RTN1: variants seen among roughly 807,000 people sequenced by gnomAD.
RTN1 encodes the protein reticulon-1.
In RTN1, 25 loss-of-function variants were observed where a neutral mutation model predicts 65.5. That is an observed-to-expected ratio of 0.38 (90% confidence interval 0.28 to 0.53). The LOEUF is 0.53. Ranked by LOEUF, RTN1 falls within the 20% of genes least tolerant of loss-of-function variation. The pLI, the probability that RTN1 is intolerant of heterozygous loss-of-function variation, is 0.79. For missense variants in RTN1, 983 were observed against 1,025.4 expected, an observed-to-expected ratio of 0.96 and a Z score of 0.57; for synonymous variants, 471 against 447.6, an observed-to-expected ratio of 1.05 and a Z score of -0.66.
chr14:59,741,699 A>T (rs757219604), intron 2 of RTN1, among the ~76,000 whole-genome samples: 1 of 152,116 alleles, frequency 6.6e-6, no homozygotes, highest in Admixed American at 6.5e-5. Context: ...TATCTGTCCA[A>T]TGGTGTTCTC....
chr14:59,719,278 G>A (rs780044767), intron 3 of RTN1, among the ~76,000 whole-genome samples: 12 of 152,138 alleles, frequency 7.9e-5, no homozygotes, highest in Admixed American at 2.0e-4. Context: ...CCCATGTATA[G>A]AATATCCCTA....
chr14:59,751,191 C>CTTTTTTT (rs34021179), intron 1 of RTN1, among the ~76,000 whole-genome samples: 324 of 90,648 alleles, frequency 3.6e-3, no homozygotes, highest in Middle Eastern at 7.9e-3. Flanking sequence ...CTCATTATAC[C>CTTTTTTT]TTTTTTTTTT....
chr14:59,790,000 A>G (rs965381583), intron 1 of RTN1, among the ~76,000 whole-genome samples: 3 of 152,254 alleles, frequency 2.0e-5, no homozygotes, highest in Non-Finnish European at 4.4e-5. Flanking sequence ...ACTTACGGCT[A>G]TCGAATGAGA....
intron 1 of RTN1, among the ~76,000 whole-genome samples, chr14:59,840,819 T>C (rs1887298159): frequency 6.6e-6 from 1 of 152,202 alleles, no homozygotes. Context: ...AACTCTTTCA[T>C]TAGAGGTTTT....
intron 3 of RTN1, among the ~76,000 whole-genome samples, chr14:59,626,761 G>A (rs1204620556): frequency 2.6e-5 from 4 of 152,102 alleles, no homozygotes; most frequent in East Asian, 1.9e-4. Context: ...AAAGTCTCAC[G>A]GAGGCTTAAT....
At chr14:59,811,434 G>T (rs1886727538) in intron 1 of RTN1, among the ~76,000 whole-genome samples, 1 of 152,126 alleles carries the variant, frequency 6.6e-6, no homozygotes. Flanking sequence ...CTTGTTAATT[G>T]AAATATAGAT....
intron 1 of RTN1, among the ~76,000 whole-genome samples, chr14:59,832,218 T>C (rs1190913476): frequency 6.6e-6 from 1 of 152,148 alleles, no homozygotes; most frequent in African/African-American, 2.4e-5. Flanking sequence ...AGCTAGAGTA[T>C]GATAAACAAA....
intron 1 of RTN1, among the ~76,000 whole-genome samples, chr14:59,772,177 A>C (rs1885971379): frequency 6.6e-6 from 1 of 152,228 alleles, no homozygotes; most frequent in African/African-American, 2.4e-5. Context: ...ATATTTTAAA[A>C]ATCTGTTTGT....
At chr14:59,783,076 G>A (rs551327713) in intron 1 of RTN1, among the ~76,000 whole-genome samples, 1 of 152,310 alleles carries the variant, frequency 6.6e-6, no homozygotes, top group East Asian at 1.9e-4. Flanking sequence ...TTTTACAGAT[G>A]AAGAAAGCAA....
chr14:59,782,816 T>TA (rs1392602029), intron 1 of RTN1, among the ~76,000 whole-genome samples: 2 of 152,208 alleles, frequency 1.3e-5, no homozygotes, highest in Admixed American at 1.3e-4. Context: ...TAGCAGCAGT[T>TA]ACGTGTTGGT....
intron 1 of RTN1, among the ~76,000 whole-genome samples, chr14:59,765,549 T>C (rs759329885): frequency 1.3e-5 from 2 of 152,226 alleles, no homozygotes; most frequent in African/African-American, 4.8e-5. Context: ...TCTGTGATGT[T>C]TGAAGGCAAA....
intron 3 of RTN1, chr14:59,607,719 A>G (rs1881809016): frequency 1.8e-6 from 1 of 554,824 alleles, no homozygotes; most frequent in African/African-American, 1.9e-5. Context: ...TTCACATATA[A>G]GAAAAGACTA....
chr14:59,610,267 T>C (rs1881905406), intron 3 of RTN1: 1 of 666,338 alleles, frequency 1.5e-6, no homozygotes, highest in Non-Finnish European at 2.7e-6. Flanking sequence ...GTAACATGAG[T>C]TTGGTGTAGG....
rs550115721 is a variant in RTN1 at position 59,600,906 on chromosome 14, G to A, written c.2288+2159C>T. ...TTTCCCTCCATTTTAACCAGGCCAT[G>A]CCCTTGTCACTTTTATTTGAATTAT... On this transcript the variant is annotated intron_variant, in intron 8 of 8. Coordinates refer to ENST00000267484, the MANE Select transcript of RTN1 (RefSeq NM_021136.3). Among the ~76,000 whole-genome samples the A allele has an allele frequency of 2.6e-5, 4 of 152,060 alleles. 1 individual carries two copies. In the South Asian group the frequency reaches 6.2e-4, roughly 24 times the overall value.
At chr14:59,644,204 C>T (rs560418660) in intron 3 of RTN1, among the ~76,000 whole-genome samples, 1 of 152,146 alleles carries the variant, frequency 6.6e-6, no homozygotes, top group Non-Finnish European at 1.5e-5. Context: ...AAATACAGCA[C>T]CTTCAACTGA....
At chr14:59,616,252 AATC>A (rs1187618582) in intron 3 of RTN1, among the ~76,000 whole-genome samples, 3 of 152,190 alleles carry the variant, frequency 2.0e-5, no homozygotes, top group African/African-American at 7.2e-5. Context: ...TGTTATCAGT[AATC>A]ATCATAATTA....
intron 3 of RTN1, among the ~76,000 whole-genome samples, chr14:59,719,210 C>T (rs1884598397): frequency 6.6e-6 from 1 of 152,202 alleles, no homozygotes; most frequent in Non-Finnish European, 1.5e-5. Context: ...AATCTTCCAC[C>T]TCTATTTCTT....
intron 3 of RTN1, among the ~76,000 whole-genome samples, chr14:59,679,704 T>C (rs1157020906): frequency 6.6e-6 from 1 of 152,212 alleles, no homozygotes; most frequent in Non-Finnish European, 1.5e-5. Flanking sequence ...TGGGGATGAC[T>C]TCTGGATTTA....
intron 3 of RTN1, among the ~76,000 whole-genome samples, chr14:59,690,792 C>T (rs1398224756): frequency 6.6e-6 from 1 of 152,082 alleles, no homozygotes; most frequent in African/African-American, 2.4e-5. Flanking sequence ...GAAGATCTCT[C>T]AAAACCATAT....
Sources: allele counts gnomAD v4.1 joint callset (sites outside exome capture counted in the v4.1 genomes callset), GRCh38; gene constraint gnomAD v4.1.1; transcripts MANE v1.5; gene names NCBI Gene and HGNC (gene_info 2026-07-23, HGNC 2026-07-21).